ITGA4: variants seen among roughly 807,000 people sequenced by gnomAD.
The protein encoded by ITGA4 is integrin alpha-4.
In ITGA4, 63 loss-of-function variants were observed where a neutral mutation model predicts 133.6. That is an observed-to-expected ratio of 0.47 (90% confidence interval 0.38 to 0.58). The LOEUF is 0.58. Among genes scored for constraint, ITGA4 ranks in the 20% least tolerant of loss-of-function variants. ITGA4 has a pLI of 0.00. For missense variants in ITGA4, 1,076 were observed against 1,252.7 expected, an observed-to-expected ratio of 0.86 and a Z score of 2.13; for synonymous variants, 483 against 438.0, an observed-to-expected ratio of 1.10 and a Z score of -1.28.
chr2:181,482,989 A>G (rs533579637), intron 9 of ITGA4, among the ~76,000 whole-genome samples: 114 of 152,270 alleles, frequency 7.5e-4, no homozygotes, highest in African/African-American at 2.5e-3. Context: ...TTCAAAATGT[A>G]GATTTCTTAA....
chr2:181,496,804 T>C (rs1245197962), intron 14 of ITGA4, among the ~76,000 whole-genome samples: 4 of 152,318 alleles, frequency 2.6e-5, no homozygotes, highest in Non-Finnish European at 5.9e-5. Flanking sequence ...TCACAACGTT[T>C]ATGATCCCCT....
At chr2:181,483,960 C>T (rs1460734167) in intron 9 of ITGA4, among the ~76,000 whole-genome samples, 1 of 152,158 alleles carries the variant, frequency 6.6e-6, no homozygotes, top group African/African-American at 2.4e-5. Flanking sequence ...TTCCCTCATG[C>T]CTACCCTGAG....
chr2:181,502,400 T>C (rs1477367332), intron 15 of ITGA4, among the ~76,000 whole-genome samples: 1 of 152,260 alleles, frequency 6.6e-6, no homozygotes, highest in South Asian at 2.1e-4. Context: ...CATGTTTTTA[T>C]GCTGATAGGC....
At chr2:181,459,456 A>G (rs535389569) in intron 2 of ITGA4, 4 of 103,202 alleles carry the variant, frequency 3.9e-5, no homozygotes, top group Admixed American at 3.7e-4. Context: ...ATTTTATAGT[A>G]GTCTTTGCTC....
At chr2:181,473,267 T>C (rs1220518938) in intron 2 of ITGA4, among the ~76,000 whole-genome samples, 2 of 152,186 alleles carry the variant, frequency 1.3e-5, no homozygotes, top group South Asian at 2.1e-4. Flanking sequence ...AGATCAGTGG[T>C]GGCATTAGAT....
chr2:181,462,508 T>C (rs1353650839), intron 2 of ITGA4, among the ~76,000 whole-genome samples: 2 of 152,224 alleles, frequency 1.3e-5, no homozygotes, highest in Non-Finnish European at 2.9e-5. Context: ...AATATGTTTT[T>C]CTTGATAACT....
chr2:181,477,009 C>T (rs1392129336), intron 4 of ITGA4, among the ~76,000 whole-genome samples: 4 of 152,078 alleles, frequency 2.6e-5, no homozygotes, highest in Admixed American at 2.6e-4. Context: ...GATTGAAAAA[C>T]TACCTATCAG....
chr2:181,530,117 A>G (rs949731683), intron 23 of ITGA4, among the ~76,000 whole-genome samples: 7 of 152,214 alleles, frequency 4.6e-5, no homozygotes, highest in African/African-American at 1.7e-4. Flanking sequence ...GTTGAAGACA[A>G]AAGTCAACAA....
At chr2:181,465,407 T>C (rs1033447733) in intron 2 of ITGA4, among the ~76,000 whole-genome samples, 1 of 152,146 alleles carries the variant, frequency 6.6e-6, no homozygotes, top group Non-Finnish European at 1.5e-5. Flanking sequence ...ATTCTTTCAT[T>C]GCTGTCTTTT....
In ITGA4 at chr2:181,509,771, T is replaced by A; in HGVS notation, c.1809T>A (p.Leu603=). The A allele has an allele frequency of 6.2e-7, 1 of 1,611,016 alleles. No individual in the cohort carries two copies. Among genetic ancestry groups the A allele is most frequent in the Non-Finnish European group, 8.5e-7 (1 of 1,178,220 alleles). Residue 603 remains leucine (L), a synonymous_variant, in exon 16 of 28, where the codon CTT becomes CTA. Coordinates refer to ENST00000397033, the MANE Select transcript of ITGA4 (RefSeq NM_000885.6). ...TEEFPPLQPI[L]QQKKEKDIMK... The stretch of plus-strand genomic sequence containing the variant: ...AATTCCCACCACTTCAGCCAATTCT[T>A]CAGCAGAAGAAAGAAAAAGACATAA...
At chr2:181,467,443 C>T (rs1049159824) in intron 2 of ITGA4, among the ~76,000 whole-genome samples, 10 of 152,152 alleles carry the variant, frequency 6.6e-5, no homozygotes, top group African/African-American at 2.4e-4. Flanking sequence ...TAGAAAGTCC[C>T]AAGCTCTCCT....
Position 181,457,619 on chromosome 2 carries a change from G to T in ITGA4, c.-36G>T, listed in dbSNP as rs770484237. On this transcript the variant is annotated 5_prime_UTR_variant, in exon 1 of 28. Transcript: ENST00000397033. ...GCATCCCGTGCAACTTTGGGGTAGT[G>T]GCCGTTTAGTGTTGAATGTTCCCCA... 5 of 1,586,108 alleles carry T rather than the reference G, an allele frequency of 3.2e-6. No individual in the cohort carries two copies. The South Asian group carries it at 5.7e-5, about 18-fold the overall frequency.
intron 2 of ITGA4, among the ~76,000 whole-genome samples, chr2:181,463,195 C>T (rs1369202637): frequency 6.6e-6 from 1 of 152,108 alleles, no homozygotes; most frequent in Admixed American, 6.6e-5. Context: ...TTTTGAAGAA[C>T]TAAAAATTGT....
At chr2:181,464,175 T>G (rs1273168610) in intron 2 of ITGA4, among the ~76,000 whole-genome samples, 1 of 150,918 alleles carries the variant, frequency 6.6e-6, no homozygotes, top group South Asian at 2.1e-4. Context: ...AGGAAGAGAG[T>G]GTTTTGAGAA....
intron 7 of ITGA4, among the ~76,000 whole-genome samples, chr2:181,481,923 A>G (rs1329568669): frequency 6.6e-6 from 1 of 152,204 alleles, no homozygotes; most frequent in African/African-American, 2.4e-5. Context: ...TATAAGATAG[A>G]ACTATCTAAA....
chr2:181,471,214 CAGA>C (rs1340495303), intron 2 of ITGA4, among the ~76,000 whole-genome samples: 1 of 152,014 alleles, frequency 6.6e-6, no homozygotes, highest in African/African-American at 2.4e-5. Flanking sequence ...ATGAAATAAG[CAGA>C]AGATGTTTAG....
chr2:181,512,019 A>G (rs1686516385), intron 17 of ITGA4, among the ~76,000 whole-genome samples: 1 of 152,120 alleles, frequency 6.6e-6, no homozygotes, highest in Admixed American at 6.6e-5. Context: ...CTAAATTCAT[A>G]GAAGGGGAAA....
chr2:181,517,804 T>C lies in ITGA4; in HGVS notation c.1923-4387T>C, dbSNP rs538033063. ...CTGAAATGTGAACATTGTGTTTCTCTTTAATTTGCTGTTGTCTTGGAACCT... is the reference window on the plus strand; with the variant it reads ...CTGAAATGTGAACATTGTGTTTCTCCTTAATTTGCTGTTGTCTTGGAACCT... On this transcript the variant is annotated intron_variant, in intron 17 of 27. Coordinates refer to ENST00000397033, the MANE Select transcript of ITGA4 (RefSeq NM_000885.6). Among the ~76,000 whole-genome samples the C allele has an allele frequency of 5.9e-5, 9 of 152,218 alleles. No individual in the cohort carries two copies. The South Asian group carries it at 1.9e-3, about 32-fold the overall frequency.
At chr2:181,533,105 A>C (rs1432421225) in intron 25 of ITGA4, among the ~76,000 whole-genome samples, 1 of 152,222 alleles carries the variant, frequency 6.6e-6, no homozygotes. Context: ...CCTACAAAGG[A>C]GCATGTATAT....
Sources: allele counts gnomAD v4.1 joint callset (sites outside exome capture counted in the v4.1 genomes callset), GRCh38; gene constraint gnomAD v4.1.1; transcripts MANE v1.5; gene names NCBI Gene and HGNC (gene_info 2026-07-23, HGNC 2026-07-21).